PLS1: variants seen among roughly 807,000 people sequenced by gnomAD.
PLS1 encodes the protein plastin-1.
PLS1 carries 32 observed loss-of-function variants against 73.7 expected under a neutral mutation model. That is an observed-to-expected ratio of 0.43 (90% confidence interval 0.33 to 0.58). The LOEUF is 0.58. PLS1 is among the 20% of genes least tolerant of loss of function. The probability of loss-of-function intolerance (pLI) is 0.04; values close to 1 mark genes in which losing one functional copy is unlikely to be tolerated. For missense variants in PLS1, 633 were observed against 740.5 expected (o/e 0.85, Z 1.68); for synonymous variants, 217 against 261.3 (o/e 0.83, Z 1.63).
intron 1 of PLS1, among the ~76,000 whole-genome samples, chr3:142,605,229 A>T (rs1185006564): frequency 6.6e-6 from 1 of 152,214 alleles, no homozygotes; most frequent in Non-Finnish European, 1.5e-5. Flanking sequence ...TTGATGTTTA[A>T]AAAAGCTTTC....
chr3:142,698,437 T>TAAAAAAAAA (rs57727251), intron 12 of PLS1: 1 of 140,734 alleles, frequency 7.1e-6, no homozygotes. Flanking sequence ...ATGCAGGATG[T>TAAAAAAAAA]AAAAAAAAAA....
intron 6 of PLS1, among the ~76,000 whole-genome samples, chr3:142,682,338 C>T (rs1417348691): frequency 6.6e-6 from 1 of 152,064 alleles, no homozygotes; most frequent in Non-Finnish European, 1.5e-5. Context: ...GGTCAAGACT[C>T]CTGGAAGAAT....
chr3:142,704,635 A>ATTTTTTTTTTTTTTTTTTTTTT (rs10631186), intron 14 of PLS1, 49 bp downstream of exon 14: 1 of 248,114 alleles, frequency 4.0e-6, no homozygotes, highest in Non-Finnish European at 7.0e-6. Flanking sequence ...ATAGGAAGGA[A>ATTTTTTTTTTTTTTTTTTTTTT]TTTTTTTTTT....
In PLS1 at chr3:142,678,126, C is replaced by T. The variant is rs924077655; in HGVS notation, c.579+13C>T. The T allele has an allele frequency of 5.1e-6, 7 of 1,364,836 alleles. No homozygotes were observed. Among genetic ancestry groups the T allele is most frequent in the Non-Finnish European group, 6.1e-6 (6 of 990,888 alleles). 84.5% of individuals were successfully genotyped at this position (1,364,836 alleles called of 1,614,324 possible). On this transcript the variant is annotated intron_variant, in intron 6 of 15. Coordinates refer to ENST00000457734, the MANE Select transcript of PLS1 (RefSeq NM_001145319.2). ...ATTCACTATTTCTGTAAGTATTTGC[C>T]CTTTGCTTATTATCATGTTACTATG...
chr3:142,637,995 G>A (rs1034476144), intron 1 of PLS1, among the ~76,000 whole-genome samples: 3 of 152,078 alleles, frequency 2.0e-5, no homozygotes, highest in Non-Finnish European at 4.4e-5. Flanking sequence ...ATCGGAAAAG[G>A]TGATAGTTGC....
At chr3:142,687,867 C>T (rs2038004728) in intron 9 of PLS1, among the ~76,000 whole-genome samples, 1 of 151,898 alleles carries the variant, frequency 6.6e-6, no homozygotes, top group Non-Finnish European at 1.5e-5. Flanking sequence ...TTGACATTTC[C>T]ACTTGCCTCA....
chr3:142,605,138 T>G (rs1329051402), intron 1 of PLS1, among the ~76,000 whole-genome samples: 1 of 152,134 alleles, frequency 6.6e-6, no homozygotes, highest in African/African-American at 2.4e-5. Flanking sequence ...AGGCCTTCTC[T>G]TCAGCTGTAG....
intron 1 of PLS1, among the ~76,000 whole-genome samples, chr3:142,647,922 AG>A (rs2036994904): frequency 1.3e-5 from 2 of 152,142 alleles, no homozygotes; most frequent in Non-Finnish European, 2.9e-5. Flanking sequence ...TGTGTTGAAA[AG>A]GGATCCTGAA....
chr3:142,642,028 A>T (rs1476682557), intron 1 of PLS1, among the ~76,000 whole-genome samples: 1 of 151,960 alleles, frequency 6.6e-6, no homozygotes, highest in African/African-American at 2.4e-5. Context: ...CCCACTTCAT[A>T]TCTGGCTCTG....
intron 1 of PLS1, among the ~76,000 whole-genome samples, chr3:142,653,160 C>T (rs1485705720): frequency 6.6e-6 from 1 of 152,194 alleles, no homozygotes; most frequent in Non-Finnish European, 1.5e-5. Context: ...CAACGTGAAT[C>T]TCTCTCATAC....
chr3:142,600,897 TATATATATATATA>T lies in PLS1; in HGVS notation c.-37+4389_-37+4401del, dbSNP rs1560024381. Among the ~76,000 whole-genome samples the T allele has an allele frequency of 1.4e-3, 43 of 29,794 alleles. 1 individual carries two copies. The highest frequency in any genetic ancestry group is 6.3e-3 in the African/African-American group (34 of 5,364). The allele number at this position is 29,794 out of a possible 152,430, so 19.5% of individuals were successfully genotyped here. A position where few individuals can be genotyped will look rare whatever the true frequency, so the allele number is the denominator to read the frequency against. ...GGTTTCATATATATATATATATATATATATATATATATATATATATTTTTTTTTTTTTTTTTTT... is the reference window on the plus strand; with the variant it reads ...GGTTTCATATATATATATATATATATTATATATTTTTTTTTTTTTTTTTTT... On this transcript the variant is annotated intron_variant, in intron 1 of 15. Coordinates refer to ENST00000457734, the MANE Select transcript of PLS1 (RefSeq NM_001145319.2).
At chr3:142,705,167 A>T (rs1009425683) in intron 14 of PLS1, among the ~76,000 whole-genome samples, 1 of 152,172 alleles carries the variant, frequency 6.6e-6, no homozygotes, top group Non-Finnish European at 1.5e-5. Flanking sequence ...ATCTAATCTT[A>T]AAAAATAAAC....
rs565077212 is a variant in PLS1 at position 142,613,675 on chromosome 3, C to T, written c.-37+17166C>T. ...CCCACACTTGTGCCACCCTGGGGTGCGTCTCTTGCTGTAACACTGAGGTCA... is the reference window on the plus strand; with the variant it reads ...CCCACACTTGTGCCACCCTGGGGTGTGTCTCTTGCTGTAACACTGAGGTCA... On this transcript the variant is annotated intron_variant, in intron 1 of 15. Transcript: ENST00000457734. Among the ~76,000 whole-genome samples, 18 of 152,284 alleles carry T rather than the reference C, an allele frequency of 1.2e-4. 1 individual carries two copies. Among genetic ancestry groups the T allele is most frequent in the South Asian group, 6.2e-4 (3 of 4,826 alleles).
chr3:142,703,658 A>G (rs527452330), intron 12 of PLS1, among the ~76,000 whole-genome samples: 16 of 152,260 alleles, frequency 1.1e-4, no homozygotes, highest in Admixed American at 3.3e-4. Context: ...TTGTTCCTCT[A>G]TCTAGGTTAA....
At chr3:142,652,045 G>T (rs1386983836) in intron 1 of PLS1, among the ~76,000 whole-genome samples, 1 of 152,194 alleles carries the variant, frequency 6.6e-6, no homozygotes, top group Non-Finnish European at 1.5e-5. Context: ...AAGGGGTAAA[G>T]GTTGGGGAGT....
chr3:142,669,015 G>C (rs935709904), intron 2 of PLS1, among the ~76,000 whole-genome samples: 5 of 152,092 alleles, frequency 3.3e-5, no homozygotes, highest in Middle Eastern at 3.4e-3. Flanking sequence ...GGATAAACTC[G>C]ATTTAAATAT....
chr3:142,654,331 T>G, intron 1 of PLS1, among the ~76,000 whole-genome samples: 1 of 152,132 alleles, frequency 6.6e-6, no homozygotes, highest in Non-Finnish European at 1.5e-5. Context: ...GTAAAATGAT[T>G]AGGAAAAAGT....
chr3:142,618,356 A>T (rs189307140), intron 1 of PLS1, among the ~76,000 whole-genome samples: 1 of 152,172 alleles, frequency 6.6e-6, no homozygotes, highest in Non-Finnish European at 1.5e-5. Flanking sequence ...GAATAAAACT[A>T]TCTGAGCCTG....
intron 10 of PLS1, among the ~76,000 whole-genome samples, chr3:142,693,291 G>A (rs1027707893): frequency 1.3e-5 from 2 of 152,190 alleles, no homozygotes; most frequent in Admixed American, 6.5e-5. Flanking sequence ...CTTTAGATCT[G>A]ACAAGGCTTG....
Sources: allele counts gnomAD v4.1 joint callset (sites outside exome capture counted in the v4.1 genomes callset), GRCh38; gene constraint gnomAD v4.1.1; transcripts MANE v1.5; gene names NCBI Gene and HGNC (gene_info 2026-07-23, HGNC 2026-07-21).